Variants in ASPH observed in about 807,000 individuals in gnomAD.
The protein encoded by ASPH is aspartate beta-hydroxylase, also known as aspartyl/asparaginyl beta-hydroxylase.
Under a neutral mutation model 118.4 loss-of-function variants are expected in ASPH, and 100 were observed. The ratio of observed to expected loss-of-function variants is 0.84; its 90% confidence interval spans 0.72 to 1.00. The LOEUF (loss-of-function observed/expected upper bound fraction) is 1.00, where lower values mean the gene tolerates loss of function less well. ASPH is among the 50% of genes least tolerant of loss of function. ASPH has a pLI of 0.00. For missense variants in ASPH, 920 were observed against 919.5 expected (o/e 1.00, Z -0.01); for synonymous variants, 315 against 325.6 (o/e 0.97, Z 0.35).
At chr8:61,695,617 T>C (rs1008616982) in intron 1 of ASPH, among the ~76,000 whole-genome samples, 1 of 152,212 alleles carries the variant, frequency 6.6e-6, no homozygotes, top group Non-Finnish European at 1.5e-5. Flanking sequence ...TGCACCTCTT[T>C]ACCACGTTAT....
intron 21 of ASPH, among the ~76,000 whole-genome samples, chr8:61,526,565 A>G (rs1815418982): frequency 1.3e-5 from 2 of 152,258 alleles, no homozygotes; most frequent in South Asian, 4.1e-4. Context: ...GATGGTCAAT[A>G]TAAGTTAAAC....
At chr8:61,566,743 G>A (rs540262440) in intron 17 of ASPH, among the ~76,000 whole-genome samples, 6 of 152,312 alleles carry the variant, frequency 3.9e-5, no homozygotes, top group African/African-American at 1.4e-4. Context: ...CCCTCCATCA[G>A]CAAAAGGATT....
In ASPH at chr8:61,676,163, C is replaced by T. The variant is rs750258551; in HGVS notation, c.322+4805G>A. 8 of 1,599,180 alleles carry T rather than the reference C, an allele frequency of 5.0e-6. No individual in the cohort carries two copies. The Admixed American group carries it at 1.2e-4, about 23-fold the overall frequency. ...ACCATCAACACCATCTGCGGTTTCGCTTTCTTCTTCTTCTTCTTCTAGCAT... is the reference window on the plus strand; with the variant it reads ...ACCATCAACACCATCTGCGGTTTCGTTTTCTTCTTCTTCTTCTTCTAGCAT... On this transcript the variant is annotated intron_variant, in intron 3 of 24. Transcript: ENST00000379454.
rs1018345363 is a variant in ASPH, at chr8:61,592,505, T to G, written c.977-8476A>C. Among the ~76,000 whole-genome samples, 3 of 152,350 alleles carry G rather than the reference T, an allele frequency of 2.0e-5. No individual in the cohort carries two copies. The East Asian group carries it at 5.8e-4, about 29-fold the overall frequency. On this transcript the variant is annotated intron_variant, in intron 14 of 24. Coordinates refer to ENST00000379454, the MANE Select transcript of ASPH (RefSeq NM_004318.4). ...ACTTCCCCTGCTTCCCAAACTCTAG[T>G]ATGTGTTTTTAAGCAGAATCACATA...
intron 7 of ASPH, among the ~76,000 whole-genome samples, chr8:61,644,296 T>G (rs1232833696): frequency 1.3e-5 from 2 of 152,234 alleles, no homozygotes; most frequent in African/African-American, 4.8e-5. Flanking sequence ...CGCTGGCATG[T>G]GACAAAACAT....
chr8:61,628,300 C>T (rs975279909), intron 13 of ASPH: 3 of 347,308 alleles, frequency 8.6e-6, no homozygotes, highest in South Asian at 6.8e-5. Context: ...GCTAGGACTA[C>T]AGGCACGTGA....
At chr8:61,651,268 A>G in intron 4 of ASPH, 144 bp from the exon 5 acceptor site, 2 of 600,682 alleles carry the variant, frequency 3.3e-6, no homozygotes, top group Middle Eastern at 4.5e-4. Context: ...ATCAGCTTAC[A>G]TTTTTTTGTT....
At position 61,503,492 on chromosome 8, in the gene ASPH, T is replaced by C. The variant is rs1187960244; in HGVS notation, c.2144A>G (p.Lys715Arg). The C allele has an allele frequency of 4.3e-6, 7 of 1,611,512 alleles. No individual in the cohort carries two copies. Among genetic ancestry groups the C allele is most frequent in the African/African-American group, 1.3e-5 (1 of 74,838 alleles). The change falls in exon 25 of 25, where the codon AAG becomes AGG. Residue 715 changes from lysine to arginine, a missense_variant. Physicochemically the swap from Lys to Arg is conservative, Grantham distance 26. Transcript: ENST00000379454. ...AAAGGAGTCATCAAAGATGAGCACC[T>C]TGCCTTCCTCCCAGGTCCTGCAGCA... is the stretch of plus-strand genomic sequence containing the variant. ...ANETKTWEEG[K>R]VLIFDDSFEH...
intron 21 of ASPH, among the ~76,000 whole-genome samples, chr8:61,530,511 G>A: frequency 6.6e-6 from 1 of 152,172 alleles, no homozygotes; most frequent in East Asian, 1.9e-4. Flanking sequence ...CCAGTTAGGA[G>A]CAGTTTCCTC....
intron 8 of ASPH, among the ~76,000 whole-genome samples, 177 bp from the exon 9 acceptor site, chr8:61,643,610 A>T (rs563810926): frequency 7.4e-4 from 113 of 152,392 alleles, no homozygotes; most frequent in Non-Finnish European, 1.5e-3. Context: ...TAAGTCAAAA[A>T]GATAGGAAAG....
chr8:61,678,791 C>T (rs1826529003), intron 3 of ASPH, among the ~76,000 whole-genome samples: 1 of 152,128 alleles, frequency 6.6e-6, no homozygotes, highest in Admixed American at 6.6e-5. Flanking sequence ...TAATCTAAAA[C>T]CTAAACCCTT....
intron 20 of ASPH, among the ~76,000 whole-genome samples, chr8:61,548,977 C>T (rs1020673455): frequency 6.6e-6 from 1 of 152,136 alleles, no homozygotes; most frequent in Admixed American, 6.5e-5. Flanking sequence ...TCACCATATG[C>T]TCTCCAAGGA....
At chr8:61,608,751 C>T (rs552768722) in intron 14 of ASPH, among the ~76,000 whole-genome samples, 3 of 152,118 alleles carry the variant, frequency 2.0e-5, no homozygotes, top group Non-Finnish European at 4.4e-5. Context: ...ATTATTGCAC[C>T]TAGAGTGATG....
At position 61,502,526 on chromosome 8, in the gene ASPH, G is replaced by A. The variant is rs1401558405; in HGVS notation, c.*833C>T. ...TGAAAGAACATAGTTTTATTTCCGT[G>A]AACTATACTTTTTCCCCAGAAGCTC... On this transcript the variant is annotated 3_prime_UTR_variant, in exon 25 of 25. Transcript: ENST00000379454. 6.6e-6 allele frequency: 1 copy of A among 152,070 alleles called. No individual in the cohort carries two copies. The highest frequency in any genetic ancestry group is 1.5e-5 in the Non-Finnish European group (1 of 68,010). 9.4% of individuals were successfully genotyped at this position (152,070 alleles called of 1,614,324 possible). A position where few individuals can be genotyped will look rare whatever the true frequency, so the allele number is the denominator to read the frequency against.
At chr8:61,703,897 T>G (rs1033470678) in intron 1 of ASPH, among the ~76,000 whole-genome samples, 2 of 152,082 alleles carry the variant, frequency 1.3e-5, no homozygotes, top group South Asian at 4.1e-4. Flanking sequence ...TAATCAAGAT[T>G]CTGTGATAAA....
chr8:61,682,895 C>T (rs1255499991), intron 2 of ASPH, among the ~76,000 whole-genome samples: 1 of 152,090 alleles, frequency 6.6e-6, no homozygotes, highest in African/African-American at 2.4e-5. Flanking sequence ...GACAGGTCCA[C>T]ATCTTTCACT....
At chr8:61,601,295 G>C (rs1201820725) in intron 14 of ASPH, among the ~76,000 whole-genome samples, 1 of 151,098 alleles carries the variant, frequency 6.6e-6, no homozygotes, top group Non-Finnish European at 1.5e-5. Context: ...ACACACCTTT[G>C]TAAGTGGGAG....
At chr8:61,557,854 AT>A (rs1481983664) in intron 18 of ASPH, among the ~76,000 whole-genome samples, 1 of 152,252 alleles carries the variant, frequency 6.6e-6, no homozygotes, top group Non-Finnish European at 1.5e-5. Context: ...AGCTCAATAA[AT>A]ACCTCTGGCA....
At chr8:61,611,398 T>C (rs1251216320) in intron 14 of ASPH, among the ~76,000 whole-genome samples, 12 of 152,198 alleles carry the variant, frequency 7.9e-5, no homozygotes, top group Non-Finnish European at 1.5e-5. Context: ...TTCTGCAATA[T>C]TCTTTCGGCC....
Sources: allele counts gnomAD v4.1 joint callset (sites outside exome capture counted in the v4.1 genomes callset), GRCh38; gene constraint gnomAD v4.1.1; transcripts MANE v1.5; gene names NCBI Gene and HGNC (gene_info 2026-07-23, HGNC 2026-07-21).